The following ZNF438 variants were observed in gnomAD, a reference collection of about 807,000 sequenced individuals.
The protein encoded by ZNF438 is zinc finger protein 438.
A neutral mutation model predicts 38.0 loss-of-function variants in ZNF438; 25 were observed. The observed-to-expected ratio is 0.66, with a 90% confidence interval of 0.48 to 0.92. The LOEUF is 0.92. Ranked by LOEUF, ZNF438 falls within the 40% of genes least tolerant of loss-of-function variation. The probability of loss-of-function intolerance (pLI) is 0.00; values close to 1 mark genes in which losing one functional copy is unlikely to be tolerated. For synonymous variants in ZNF438, 372 were observed against 364.1 expected (o/e 1.02, Z -0.25); for missense variants, 1,007 against 999.6 (o/e 1.01, Z -0.10).
At chr10:30,987,592 C>T (rs376462133) in intron 1 of ZNF438, among the ~76,000 whole-genome samples, 1 of 152,064 alleles carries the variant, frequency 6.6e-6, no homozygotes, top group Admixed American at 6.6e-5. Flanking sequence ...AGAGGTAGTG[C>T]CTTTAATTAG....
intron 4 of ZNF438, among the ~76,000 whole-genome samples, chr10:30,871,615 T>C (rs1488402913): frequency 6.6e-6 from 1 of 152,236 alleles, no homozygotes; most frequent in Non-Finnish European, 1.5e-5. Flanking sequence ...AATATTCTTA[T>C]TCACAAATAC....
chr10:30,957,092 G>C (rs765097982), intron 1 of ZNF438, among the ~76,000 whole-genome samples: 1 of 152,072 alleles, frequency 6.6e-6, no homozygotes, highest in Non-Finnish European at 1.5e-5. Flanking sequence ...TTCTAACTGG[G>C]GTAAGATGAT....
At chr10:30,884,721 T>C (rs567608806) in intron 3 of ZNF438, among the ~76,000 whole-genome samples, 16 of 152,226 alleles carry the variant, frequency 1.1e-4, no homozygotes, top group Non-Finnish European at 2.4e-4. Context: ...TAAGCCATAT[T>C]TAAAGAGAGT....
At chr10:30,852,014 T>A (rs1350451065) in intron 4 of ZNF438, among the ~76,000 whole-genome samples, 1 of 150,976 alleles carries the variant, frequency 6.6e-6, no homozygotes, top group Non-Finnish European at 1.5e-5. Flanking sequence ...AAAAAAAAAA[T>A]TAGCCAGGCA....
At chr10:30,904,306 A>C (rs1376321711) in intron 3 of ZNF438, among the ~76,000 whole-genome samples, 2 of 152,206 alleles carry the variant, frequency 1.3e-5, no homozygotes, top group Non-Finnish European at 2.9e-5. Context: ...TTCACTTTCC[A>C]AAGTCCAGTG....
intron 4 of ZNF438, among the ~76,000 whole-genome samples, chr10:30,871,099 T>C (rs1030294335): frequency 1.3e-5 from 2 of 152,146 alleles, no homozygotes; most frequent in Non-Finnish European, 1.5e-5. Flanking sequence ...TACGATTAGA[T>C]AACAAGAATA....
chr10:30,943,584 T>C (rs963060856), intron 1 of ZNF438, among the ~76,000 whole-genome samples: 3 of 152,180 alleles, frequency 2.0e-5, no homozygotes, highest in Non-Finnish European at 4.4e-5. Context: ...ACTCAAAATA[T>C]GAATTTGGAG....
chr10:31,009,377 A>C (rs569222613), intron 1 of ZNF438, among the ~76,000 whole-genome samples: 8 of 152,230 alleles, frequency 5.3e-5, no homozygotes, highest in African/African-American at 1.9e-4. Context: ...ATATACTGAT[A>C]GCAATATTGT....
At chr10:30,857,815 G>T in intron 4 of ZNF438, 1 of 1,320,028 alleles carries the variant, frequency 7.6e-7, no homozygotes. Context: ...GGCAGTGGAG[G>T]AAAGAATGAG....
intron 3 of ZNF438, among the ~76,000 whole-genome samples, chr10:30,902,371 T>C (rs963043894): frequency 3.2e-5 from 2 of 62,172 alleles, no homozygotes; most frequent in African/African-American, 2.1e-4. Flanking sequence ...TTTACAAAAC[T>C]TGAGCTAGAC....
chr10:31,012,539 C>CA (rs1225395018), intron 1 of ZNF438, among the ~76,000 whole-genome samples: 1 of 152,098 alleles, frequency 6.6e-6, no homozygotes, highest in Non-Finnish European at 1.5e-5. Context: ...TTAAGCTCTA[C>CA]AAGGGCAGAT....
At chr10:30,936,885 G>A (rs1235073670) in intron 2 of ZNF438, among the ~76,000 whole-genome samples, 1 of 152,004 alleles carries the variant, frequency 6.6e-6, no homozygotes, top group Admixed American at 6.6e-5. Flanking sequence ...CTTATTCTCT[G>A]CTCTCTAATT....
chr10:31,013,174 C>A (rs1417774235), intron 1 of ZNF438, among the ~76,000 whole-genome samples: 1 of 152,160 alleles, frequency 6.6e-6, no homozygotes, highest in East Asian at 1.9e-4. Flanking sequence ...AAAAAATTAG[C>A]CGCGCGCGGT....
chr10:30,956,572 C>T (rs987522738), intron 1 of ZNF438, among the ~76,000 whole-genome samples: 12 of 152,144 alleles, frequency 7.9e-5, no homozygotes, highest in Non-Finnish European at 1.8e-4. Flanking sequence ...CCTATCTCTT[C>T]CCCACCCAGT....
chr10:30,934,101 G>T (rs960182861), intron 2 of ZNF438, among the ~76,000 whole-genome samples: 1 of 151,214 alleles, frequency 6.6e-6, no homozygotes, highest in Non-Finnish European at 1.5e-5. Flanking sequence ...AGCCGAGATC[G>T]CGCCACTATA....
At chr10:30,845,147 C>T (rs550686883) in exon 6 of ZNF438, 18 of 1,614,156 alleles carry the variant, frequency 1.1e-5, no homozygotes, top group Middle Eastern at 1.7e-4. Flanking sequence ...ACAAGAGAAA[C>T]GTGTGGAGGC....
chr10:30,979,510 C>CTA (rs1305373015), intron 1 of ZNF438, among the ~76,000 whole-genome samples: 1 of 152,188 alleles, frequency 6.6e-6, no homozygotes, highest in African/African-American at 2.4e-5. Flanking sequence ...TGACTTCAAA[C>CTA]TATACTACAA....
chr10:30,965,761 A>G (rs1454603143), intron 1 of ZNF438, among the ~76,000 whole-genome samples: 1 of 152,114 alleles, frequency 6.6e-6, no homozygotes, highest in African/African-American at 2.4e-5. Context: ...TACTAGAGGA[A>G]GGAGAGAGGG....
intron 1 of ZNF438, among the ~76,000 whole-genome samples, chr10:30,968,434 C>CTTT (rs546132410): frequency 2.0e-4 from 21 of 103,648 alleles, no homozygotes; most frequent in Non-Finnish European, 2.7e-4. Flanking sequence ...TGAATGTAAA[C>CTTT]TTTTTTTTTT....
Sources: gnomAD v4.1 joint callset for allele counts (sites outside exome capture counted in the v4.1 genomes callset) on GRCh38, gnomAD v4.1.1 for gene constraint, MANE v1.5 for transcripts, NCBI Gene and HGNC (gene_info 2026-07-23, HGNC 2026-07-21) for gene names.